PAXIP1: variants seen among roughly 807,000 people sequenced by gnomAD.
PAXIP1 encodes PAX-interacting protein 1.
In PAXIP1, 19 loss-of-function variants were observed where a neutral mutation model predicts 140.6. That is an observed-to-expected ratio of 0.14 (90% CI 0.09 to 0.20). PAXIP1 has a LOEUF of 0.20. Ranked by LOEUF, PAXIP1 falls within the 10% of genes least tolerant of loss-of-function variation. The probability of loss-of-function intolerance (pLI) is 1.00; values close to 1 mark genes in which losing one functional copy is unlikely to be tolerated. For missense variants in PAXIP1, 920 were observed against 1,208.6 expected (o/e 0.76, Z 3.54); for synonymous variants, 442 against 444.6 (o/e 0.99, Z 0.07).
At position 154,975,922 on chromosome 7, in the gene PAXIP1, T is replaced by C; in HGVS notation, c.848A>G (p.Gln283Arg). The C allele has an allele frequency of 1.2e-6, 2 of 1,613,960 alleles. No individual in the cohort carries two copies. Among genetic ancestry groups the C allele is most frequent in the Non-Finnish European group, 1.7e-6 (2 of 1,179,862 alleles). Reference sequence around the variant, plus strand: ...GTTAATCAACCCAGGCTCCTTTCCCTGAGGCAGCCTGCGTTTTGCTGCAGC... The same window carrying C: ...GTTAATCAACCCAGGCTCCTTTCCCCGAGGCAGCCTGCGTTTTGCTGCAGC... The part of the protein sequence containing the change: ...QLAAAKRRLP[Q>R]GKEPGLINLC... Residue 283 changes from glutamine to arginine, a missense_variant, in exon 6 of 21, where the codon CAG becomes CGG. Transcript: ENST00000404141.
At chr7:154,998,900 C>T in intron 1 of PAXIP1, 116 bp from the exon 2 acceptor site, 1 of 873,496 alleles carries the variant, frequency 1.1e-6, no homozygotes, top group Non-Finnish European at 1.7e-6. Context: ...CACCATATTC[C>T]CCACATAAAA....
In PAXIP1 at chr7:154,992,149, C is replaced by CTTGT. The variant is rs200680942; in HGVS notation, c.261-1084_261-1081dup. On this transcript the variant is annotated intron_variant, in intron 3 of 20. Coordinates refer to ENST00000404141, the MANE Select transcript of PAXIP1 (RefSeq NM_007349.4). ...TCTACCAGTGAGTCTCCCAGGCTCC[C>CTTGT]TTGTTTGTTTGTTTGTTTTTGAGAT... is the stretch of plus-strand genomic sequence containing the variant. 8.5e-5 allele frequency among the ~76,000 whole-genome samples: 13 copies of CTTGT among 152,232 alleles called. 1 individual carries two copies. The South Asian group carries it at 2.3e-3, about 27-fold the overall frequency.
Position 154,963,487 on chromosome 7 carries a change from A to G in PAXIP1, c.1989+184T>C, listed in dbSNP as rs999908819. On this transcript the variant is annotated intron_variant, in intron 9 of 20. Coordinates refer to ENST00000404141, the MANE Select transcript of PAXIP1 (RefSeq NM_007349.4). The surrounding 1 kb of genome is among the most constrained non-coding windows in gnomAD (Gnocchi z 4.1). ...ACATCCCTTTCTTTCTCCATTGCTC[A>G]AAGACAATGGTGCCCACAAAAGATA... Among the ~76,000 whole-genome samples the G allele has an allele frequency of 6.6e-6, 1 of 152,198 alleles. No individual in the cohort carries two copies.
intron 4 of PAXIP1, among the ~76,000 whole-genome samples, chr7:154,990,289 C>T (rs1810269711): frequency 2.0e-5 from 3 of 152,090 alleles, no homozygotes; most frequent in Non-Finnish European, 4.4e-5. Context: ...GATCCGCCCA[C>T]CTCGGCCTCC....
rs1810091796 is a variant in PAXIP1 at position 154,986,703 on chromosome 7, A to G, written c.325-3371T>C. 6.6e-6 allele frequency among the ~76,000 whole-genome samples: 1 copy of G among 152,206 alleles called. No individual in the cohort carries two copies. The highest frequency in any genetic ancestry group is 2.4e-5 in the African/African-American group (1 of 41,446). On this transcript the variant is annotated intron_variant, in intron 4 of 20. Coordinates refer to ENST00000404141, the MANE Select transcript of PAXIP1 (RefSeq NM_007349.4). The surrounding 1 kb of genome is among the most constrained non-coding windows in gnomAD (Gnocchi z 4.8). ...AGAAGTGACTATTAAAGTCTTCCCCATCCCTATTTGAACAATCTTTCTCAA... is the reference window on the plus strand; with the variant it reads ...AGAAGTGACTATTAAAGTCTTCCCCGTCCCTATTTGAACAATCTTTCTCAA...
chr7:154,965,166 G>A (rs1484669934), intron 8 of PAXIP1: 1 of 152,298 alleles, frequency 6.6e-6, no homozygotes, highest in Admixed American at 6.5e-5. Context: ...CCCTGGGGAA[G>A]GGAGCCAGCT....
intron 7 of PAXIP1, 125 bp from the exon 8 acceptor site, chr7:154,968,035 G>C: frequency 1.6e-6 from 1 of 631,696 alleles, no homozygotes; most frequent in Non-Finnish European, 2.7e-6. Flanking sequence ...TGACGTATCT[G>C]CCAGTAATCA....
rs144914788 is a variant in PAXIP1 at position 154,981,046 on chromosome 7, G to A, written c.438+2173C>T. 5.0e-3 allele frequency among the ~76,000 whole-genome samples: 755 copies of A among 152,186 alleles called. 7 individuals are homozygous for A. The highest frequency in any genetic ancestry group is 0.017 in the African/African-American group (705 of 41,536). On this transcript the variant is annotated intron_variant, in intron 5 of 20. Coordinates refer to ENST00000404141, the MANE Select transcript of PAXIP1 (RefSeq NM_007349.4). The stretch of plus-strand genomic sequence containing the variant: ...TGAGGCAGGAGAATTGTGTGAACCC[G>A]GGAGATGGAGGATGCAGTGAGCTGA...
At chr7:154,998,079 A>G (rs1186975321) in intron 2 of PAXIP1, among the ~76,000 whole-genome samples, 1 of 152,244 alleles carries the variant, frequency 6.6e-6, no homozygotes, top group Non-Finnish European at 1.5e-5. Context: ...TGCAGCAGGC[A>G]TAAAGGATGG....
chr7:154,985,944 T>G, intron 4 of PAXIP1: 2 of 1,200,094 alleles, frequency 1.7e-6, no homozygotes, highest in Non-Finnish European at 2.2e-6. Flanking sequence ...AAAGGACTTT[T>G]TAGTCTTCTA....
chr7:154,994,593 C>A (rs1810487295), intron 2 of PAXIP1, among the ~76,000 whole-genome samples: 2 of 152,188 alleles, frequency 1.3e-5, no homozygotes, highest in South Asian at 2.1e-4. Flanking sequence ...TGCTCTCCTG[C>A]AAGTCATATT....
chr7:154,987,534 T>C (rs1183042561), intron 4 of PAXIP1, among the ~76,000 whole-genome samples: 2 of 152,180 alleles, frequency 1.3e-5, no homozygotes, highest in African/African-American at 2.4e-5. Flanking sequence ...CTCTCTATCA[T>C]GCTCTGCAGG....
At chr7:154,996,947 A>G (rs1810654020) in intron 2 of PAXIP1, among the ~76,000 whole-genome samples, 1 of 152,182 alleles carries the variant, frequency 6.6e-6, no homozygotes, top group Non-Finnish European at 1.5e-5. Flanking sequence ...CTTTCACATA[A>G]CATCTGCATA....
chr7:154,974,731 T>TGCAAGGCCAGCCA, intron 6 of PAXIP1: 4 of 152,208 alleles, frequency 2.6e-5, no homozygotes, highest in Non-Finnish European at 5.9e-5. Flanking sequence ...ACTGTATGTC[T>TGCAAGGCCAGCCA]TCTCTACCTA....
chr7:154,966,314 T>C (rs1809016998), intron 8 of PAXIP1, among the ~76,000 whole-genome samples: 1 of 152,194 alleles, frequency 6.6e-6, no homozygotes, highest in Admixed American at 6.5e-5. Flanking sequence ...TCCCCTCCAG[T>C]GAGCTTGTCT....
intron 4 of PAXIP1, among the ~76,000 whole-genome samples, chr7:154,984,482 A>G (rs1305216148): frequency 6.6e-6 from 1 of 152,364 alleles, no homozygotes; most frequent in Admixed American, 6.5e-5. Flanking sequence ...CAGCTTGCCA[A>G]TAATCTAGCA....
At chr7:154,989,620 T>C (rs1367209892) in intron 4 of PAXIP1, among the ~76,000 whole-genome samples, 1 of 152,258 alleles carries the variant, frequency 6.6e-6, no homozygotes, top group Non-Finnish European at 1.5e-5. Flanking sequence ...CAATTTGATT[T>C]TTTTCTAATA....
rs555910285 is a variant in PAXIP1 at position 154,957,111 on chromosome 7, T to C, written c.2549+113A>G. The C allele has an allele frequency of 1.4e-5, 8 of 579,114 alleles. No homozygotes were observed. The South Asian group carries it at 1.8e-4, about 13-fold the overall frequency. 35.9% of individuals were successfully genotyped at this position (579,114 alleles called of 1,614,324 possible). A position where few individuals can be genotyped will look rare whatever the true frequency, so the allele number is the denominator to read the frequency against. On this transcript the variant is annotated intron_variant, in intron 14 of 20. Transcript: ENST00000404141. ...AAGTTGTAAAGCAAAAAGCAAACTC[T>C]TTCAAATCTTATTTACTGCAAAACA...
At position 154,986,067 on chromosome 7, in the gene PAXIP1, A is replaced by G. The variant is rs758244228; in HGVS notation, c.325-2735T>C. The G allele has an allele frequency of 2.2e-6, 3 of 1,365,010 alleles. No individual in the cohort carries two copies. The East Asian group carries it at 1.4e-4, about 62-fold the overall frequency. The allele number at this position is 1,365,010 out of a possible 1,614,324, so 84.6% of individuals were successfully genotyped here. ...GCCTGCATCAATACCGGGTCAGAAGAAGGCAGATGATCTCTGTGCTTCCCA... is the reference window on the plus strand; with the variant it reads ...GCCTGCATCAATACCGGGTCAGAAGGAGGCAGATGATCTCTGTGCTTCCCA... On this transcript the variant is annotated intron_variant, in intron 4 of 20. Coordinates refer to ENST00000404141, the MANE Select transcript of PAXIP1 (RefSeq NM_007349.4). This position sits in a 1 kb window ranked among gnomAD's most constrained non-coding sequence, Gnocchi z 4.8.
Sources: allele counts gnomAD v4.1 joint callset (sites outside exome capture counted in the v4.1 genomes callset), GRCh38; gene constraint gnomAD v4.1.1; non-coding constraint Gnocchi (gnomAD v3.1); transcripts MANE v1.5; gene names NCBI Gene and HGNC (gene_info 2026-07-23, HGNC 2026-07-21).